The following FCHSD1 variants were observed in gnomAD, a reference collection of about 807,000 sequenced individuals.
FCHSD1 encodes FCH and double SH3 domains 1.
A neutral mutation model predicts 101.3 loss-of-function variants in FCHSD1; 109 were observed. That is an observed-to-expected ratio of 1.08 (90% CI 0.92 to 1.26). The LOEUF (loss-of-function observed/expected upper bound fraction) is 1.26. Among genes scored for constraint, FCHSD1 ranks in the 50% most tolerant of loss-of-function variants. The pLI, the probability that FCHSD1 is intolerant of heterozygous loss-of-function variation, is 0.00. For missense variants in FCHSD1, 820 were observed against 895.8 expected (o/e 0.92, Z 1.08); for synonymous variants, 291 against 356.8 (o/e 0.82, Z 2.08).
Position 141,649,779 on chromosome 5 carries a change from A to G in FCHSD1, c.233+108T>C, listed in dbSNP as rs6863184. 3,747 of 1,337,814 alleles carry G rather than the reference A, an allele frequency of 2.8e-3. 74 individuals carry two copies. In the African/African-American group the frequency reaches 0.049, roughly 18 times the overall value. The allele number at this position is 1,337,814 out of a possible 1,614,324, so 82.9% of individuals were successfully genotyped here. A position where few individuals can be genotyped will look rare whatever the true frequency, so the allele number is the denominator to read the frequency against. ...CTGCTGCTGTGTCAGCTCTACCTAC[A>G]GCTCACGTGCCTTCCCCACTTGCTA... On this transcript the variant is annotated intron_variant, in intron 4 of 19. Transcript: ENST00000435817. This position sits in a 1 kb window ranked among gnomAD's most constrained non-coding sequence, Gnocchi z 4.1.
chr5:141,642,115 G>T, intron 18 of FCHSD1: 1 of 503,936 alleles, frequency 2.0e-6, no homozygotes, highest in Non-Finnish European at 3.5e-6. Flanking sequence ...GAGACTCCTT[G>T]TGGACAAGGT....
Position 141,648,059 on chromosome 5 carries a change from T to TG in FCHSD1, c.613dup (p.Gln205ProfsTer6), listed in dbSNP as rs1230209905. ...AAGCAGGTACTCATTGCGGGCTGCT[T>TG]GCAGCTGCTGGGAGTACTGGGCTGA... On this transcript the variant is annotated frameshift_variant, in exon 8 of 20. Coordinates refer to ENST00000435817, the MANE Select transcript of FCHSD1 (RefSeq NM_033449.3). LOFTEE classifies it high-confidence loss of function. 1 of 1,613,564 alleles carries TG rather than the reference T, an allele frequency of 6.2e-7. No homozygotes were observed. Among genetic ancestry groups the TG allele is most frequent in the East Asian group, 2.2e-5 (1 of 44,870 alleles).
chr5:141,639,414 TGAAGG>T lies in FCHSD1; in HGVS notation c.*2079_*2083del. On this transcript the variant is annotated 3_prime_UTR_variant, in exon 20 of 20. Transcript: ENST00000435817. The surrounding 1 kb of genome is among the most constrained non-coding windows in gnomAD (Gnocchi z 4.4). ...CTGAAAGAACGTAAGAAACAAAACA[TGAAGG>T]GAAATGGAAATGTTACCCTCACTCC... The T allele has an allele frequency of 2.0e-6, 3 of 1,466,352 alleles. No individual in the cohort carries two copies. Among genetic ancestry groups the T allele is most frequent in the Non-Finnish European group, 2.8e-6 (3 of 1,072,192 alleles). 90.8% of individuals were successfully genotyped at this position (1,466,352 alleles called of 1,614,324 possible). A position where few individuals can be genotyped will look rare whatever the true frequency, so the allele number is the denominator to read the frequency against.
Position 141,640,166 on chromosome 5 carries a change from T to G in FCHSD1, c.*1332A>C. ...TCAGGGACAGCAGCCTAACCCCTCG[T>G]GCACTTGAAGGGAACCCCAGAGCTT... On this transcript the variant is annotated 3_prime_UTR_variant, in exon 20 of 20. Transcript: ENST00000435817. 1 of 1,614,100 alleles carries G rather than the reference T, an allele frequency of 6.2e-7. No individual in the cohort carries two copies. The highest frequency in any genetic ancestry group is 8.5e-7 in the Non-Finnish European group (1 of 1,179,974).
At chr5:141,651,200 C>CG (rs1366637083) in intron 1 of FCHSD1, 83 bp from the exon 2 acceptor site, 41 of 944,096 alleles carry the variant, frequency 4.3e-5, no homozygotes, top group Middle Eastern at 2.3e-4. Context: ...GGGGCGGGGC[C>CG]GGGGGGGTGC....
At chr5:141,645,529 C>CA in intron 13 of FCHSD1, among the ~76,000 whole-genome samples, 1 of 152,304 alleles carries the variant, frequency 6.6e-6, no homozygotes, top group East Asian at 1.9e-4. Flanking sequence ...GGCTGGTACT[C>CA]AAAGCCCTTA....
Position 141,648,966 on chromosome 5 carries a change from C to T in FCHSD1, c.567G>A (p.Leu189=). ...IFHSRTSLQK[L]STKLSAQSAQ... Reference sequence around the variant, plus strand: ...CCCTCATCCCTCGAACCTTGGTGCTCAGTTTCTGGAGACTGGTCCGAGAGT... The same window carrying T: ...CCCTCATCCCTCGAACCTTGGTGCTTAGTTTCTGGAGACTGGTCCGAGAGT... The change falls in exon 7 of 20, where the codon CTG becomes CTA. Residue 189 remains leucine, a synonymous_variant. Transcript: ENST00000435817. 1 of 1,613,986 alleles carries T rather than the reference C, an allele frequency of 6.2e-7. No homozygotes were observed. Among genetic ancestry groups the T allele is most frequent in the African/African-American group, 1.3e-5 (1 of 75,036 alleles).
chr5:141,646,088 T>G lies in FCHSD1; in HGVS notation c.1148A>C (p.Gln383Pro). 1.2e-6 allele frequency: 2 copies of G among 1,608,514 alleles called. No homozygotes were observed. The highest frequency in any genetic ancestry group is 1.7e-6 in the Non-Finnish European group (2 of 1,177,662). The change falls in exon 12 of 20, where the codon CAG becomes CCG. Residue 383 changes from glutamine to proline, a missense_variant and splice_region_variant. Gln to Pro is a moderately conservative substitution (Grantham distance 76). Transcript: ENST00000435817. ...TCTAACCTCAGGGGTGTGCCTCACC[T>G]GTGCCCGGCGGATGCTCTCTCGCAC... is the stretch of plus-strand genomic sequence containing the variant. ...QEVRESIRRA[Q>P]VSQVKGAARL...
chr5:141,640,190 T>G lies in FCHSD1; in HGVS notation c.*1308A>C. 6.2e-7 allele frequency: 1 copy of G among 1,614,146 alleles called. No individual in the cohort carries two copies. Among genetic ancestry groups the G allele is most frequent in the South Asian group, 1.1e-5 (1 of 91,084 alleles). On this transcript the variant is annotated 3_prime_UTR_variant, in exon 20 of 20. Coordinates refer to ENST00000435817, the MANE Select transcript of FCHSD1 (RefSeq NM_033449.3). ...GTGCACTTGAAGGGAACCCCAGAGC[T>G]TCTGCAGAGCCAACACTGAGGGCCG... is the stretch of plus-strand genomic sequence containing the variant.
chr5:141,640,753 C>A lies in FCHSD1; in HGVS notation c.*745G>T. On this transcript the variant is annotated 3_prime_UTR_variant, in exon 20 of 20. Coordinates refer to ENST00000435817, the MANE Select transcript of FCHSD1 (RefSeq NM_033449.3). ...GAAAGCCCTCCCCTCCACTGGACAG[C>A]ACTGCCCCCCAGCTGAGGGACCAGC... The A allele has an allele frequency of 7.6e-7, 1 of 1,307,414 alleles. No homozygotes were observed. The highest frequency in any genetic ancestry group is 1.0e-6 in the Non-Finnish European group (1 of 958,250). The allele number at this position is 1,307,414 out of a possible 1,614,324, so 81.0% of individuals were successfully genotyped here.
chr5:141,644,382 A>G lies in FCHSD1; in HGVS notation c.1699T>C (p.Phe567Leu), dbSNP rs376544377. The G allele has an allele frequency of 1.2e-4, 201 of 1,613,802 alleles. No homozygotes were observed. The highest frequency in any genetic ancestry group is 5.3e-4 in the East Asian group (24 of 44,874). Residue 567 changes from phenylalanine (F) to leucine (L), a missense_variant, in exon 17 of 20, where the codon TTC (phenylalanine) becomes CTC (leucine). Transcript: ENST00000435817. ...YTGQSAEELS[F>L]PEGALIRLLP... ...AGACGGATGAGTGCCCCCTCAGGGAAGCTCAGCTCCTCTGCACTCTGTCCG... is the reference window on the plus strand; with the variant it reads ...AGACGGATGAGTGCCCCCTCAGGGAGGCTCAGCTCCTCTGCACTCTGTCCG...
At chr5:141,642,618 A>G in intron 18 of FCHSD1, 2 of 548,292 alleles carry the variant, frequency 3.6e-6, no homozygotes, top group South Asian at 4.9e-5. Context: ...CAAAAGGTGC[A>G]TATTGGGAGG....
intron 17 of FCHSD1, among the ~76,000 whole-genome samples, chr5:141,643,819 G>C (rs1385755497): frequency 6.7e-6 from 1 of 149,746 alleles, no homozygotes; most frequent in Non-Finnish European, 1.5e-5. Context: ...TTGCACTCCA[G>C]CCTGGGCAAC....
At position 141,649,461 on chromosome 5, in the gene FCHSD1, C is replaced by A; in HGVS notation, c.309G>T (p.Ala103=). Residue 103 remains alanine (A), a synonymous_variant, in exon 5 of 20, where the codon GCG becomes GCT. Transcript: ENST00000435817. This position sits in a 1 kb window ranked among gnomAD's most constrained non-coding sequence, Gnocchi z 4.1. The part of the protein sequence containing the change: ...TVAGGQTRLQ[A]SDRYRDLAGG... ...CTGCTAGGTCACGGTATCGGTCAGA[C>A]GCCTGGAGTCGGGTTTGGCCCCCAG... The A allele has an allele frequency of 6.2e-7, 1 of 1,613,966 alleles. No individual in the cohort carries two copies. The highest frequency in any genetic ancestry group is 8.5e-7 in the Non-Finnish European group (1 of 1,179,892).
At position 141,651,388 on chromosome 5, in the gene FCHSD1, T is replaced by C. The variant is rs1317279892; in HGVS notation, c.-20A>G. On this transcript the variant is annotated 5_prime_UTR_variant, in exon 1 of 20. Transcript: ENST00000435817. ...CTGCATCTCCGCTCCAGCAAGGCGG[T>C]CAGCCACTGGACTCCGGAACTGGAG... The C allele has an allele frequency of 3.2e-6, 5 of 1,551,398 alleles. No individual in the cohort carries two copies. Among genetic ancestry groups the C allele is most frequent in the Admixed American group, 3.9e-5 (2 of 51,124 alleles).
At position 141,644,844 on chromosome 5, in the gene FCHSD1, G is replaced by C. The variant is rs1186144089; in HGVS notation, c.1524+15C>G. 1 of 1,612,726 alleles carries C rather than the reference G, an allele frequency of 6.2e-7. No homozygotes were observed. The highest frequency in any genetic ancestry group is 1.1e-5 in the South Asian group (1 of 90,840). On this transcript the variant is annotated intron_variant, in intron 15 of 19. Coordinates refer to ENST00000435817, the MANE Select transcript of FCHSD1 (RefSeq NM_033449.3). ...GCCCCCAACCCAAGGTCAGAGCCCG[G>C]GGTCCCATACCCACCTTGACCCATT...
At chr5:141,650,476 C>G in intron 2 of FCHSD1, 72 bp from the exon 3 acceptor site, 1 of 1,600,778 alleles carries the variant, frequency 6.2e-7, no homozygotes, top group Non-Finnish European at 8.6e-7. Flanking sequence ...CATCCTCAGT[C>G]CTCTACTCTG....
In FCHSD1 at chr5:141,643,029, A is replaced by C; in HGVS notation, c.1923T>G (p.Asp641Glu). ...CAGGCAGGACAGGTGCAGGGGGCCC[A>C]TCCAACACAGAGGTAGGTGCAGGTG... The part of the protein sequence containing the change: ...FSPPAPTSVL[D>E]GPPAPVLPGD... Residue 641 changes from aspartate to glutamate, a missense_variant, in exon 18 of 20, where the codon GAT (aspartate) becomes GAG (glutamate). Coordinates refer to ENST00000435817, the MANE Select transcript of FCHSD1 (RefSeq NM_033449.3). The C allele has an allele frequency of 6.4e-7, 1 of 1,563,798 alleles. No individual in the cohort carries two copies. The highest frequency in any genetic ancestry group is 1.2e-5 in the South Asian group (1 of 84,984).
chr5:141,647,971 G>C lies in FCHSD1; in HGVS notation c.702C>G (p.Leu234=), dbSNP rs2154598450. Reference sequence around the variant, plus strand: ...GGGTGTCTGGGTTAAAACTGGCCTTGAGCAGAGCTGGCAGTTCCTCCTGGT... The same window carrying C: ...GGGTGTCTGGGTTAAAACTGGCCTTCAGCAGAGCTGGCAGTTCCTCCTGGT... ...HYYQEELPAL[L]KALVSELSEH... The change falls in exon 8 of 20, where the codon CTC becomes CTG. Residue 234 remains leucine (L), a synonymous_variant. Coordinates refer to ENST00000435817, the MANE Select transcript of FCHSD1 (RefSeq NM_033449.3). 1.2e-6 allele frequency: 2 copies of C among 1,612,804 alleles called. No individual in the cohort carries two copies. The highest frequency in any genetic ancestry group is 2.2e-5 in the South Asian group (2 of 90,818).
Sources: allele counts gnomAD v4.1 joint callset (sites outside exome capture counted in the v4.1 genomes callset), GRCh38; gene constraint gnomAD v4.1.1; non-coding constraint Gnocchi (gnomAD v3.1); transcripts MANE v1.5; gene names NCBI Gene and HGNC (gene_info 2026-07-23, HGNC 2026-07-21).